OPCML: variants seen among roughly 807,000 people sequenced by gnomAD.
OPCML encodes the protein opioid-binding protein/cell adhesion molecule.
In OPCML, 13 loss-of-function variants were observed where a neutral mutation model predicts 37.8. The observed-to-expected ratio is 0.34, with a 90% CI of 0.22 to 0.55. The LOEUF is 0.55. OPCML is among the 20% of genes least tolerant of loss of function. The pLI is 0.91. For synonymous variants in OPCML, 176 were observed against 168.8 expected (o/e 1.04, Z -0.33); for missense variants, 341 against 435.6 (o/e 0.78, Z 1.93).
At chr11:132,643,975 G>A (rs1284620690) in intron 3 of OPCML, among the ~76,000 whole-genome samples, 1 of 152,132 alleles carries the variant, frequency 6.6e-6, no homozygotes, top group African/African-American at 2.4e-5. Flanking sequence ...AACACTCCTC[G>A]TGGTCGTCTG....
At chr11:132,565,512 C>G (rs1315113328) in intron 3 of OPCML, among the ~76,000 whole-genome samples, 1 of 152,182 alleles carries the variant, frequency 6.6e-6, no homozygotes, top group African/African-American at 2.4e-5. Flanking sequence ...CAGCGGCTCT[C>G]CTGCTCAGGC....
chr11:133,002,604 CAGTA>C (rs1474430257), intron 1 of OPCML, among the ~76,000 whole-genome samples: 65 of 152,280 alleles, frequency 4.3e-4, no homozygotes, highest in African/African-American at 1.5e-3. Flanking sequence ...TAAAAGTTCT[CAGTA>C]AGCTTTAAAA....
chr11:132,837,274 T>C (rs922932664), intron 2 of OPCML, among the ~76,000 whole-genome samples: 2 of 152,118 alleles, frequency 1.3e-5, no homozygotes, highest in South Asian at 2.1e-4. Context: ...GATCGCGCCA[T>C]TGCACTCCAG....
intron 4 of OPCML, among the ~76,000 whole-genome samples, chr11:132,514,662 AAACTGCC>A (rs1223735190): frequency 6.6e-6 from 1 of 152,144 alleles, no homozygotes; most frequent in Non-Finnish European, 1.5e-5. Context: ...TTTTTTTGCC[AAACTGCC>A]TTTGTTCCAA....
chr11:133,092,346 T>C (rs1257223685), intron 1 of OPCML, among the ~76,000 whole-genome samples: 1 of 152,192 alleles, frequency 6.6e-6, no homozygotes, highest in Non-Finnish European at 1.5e-5. Flanking sequence ...GCTGGGCATC[T>C]AATACAAGGT....
At chr11:133,104,563 T>C (rs987761549) in intron 1 of OPCML, among the ~76,000 whole-genome samples, 1 of 152,240 alleles carries the variant, frequency 6.6e-6, no homozygotes, top group East Asian at 1.9e-4. Context: ...TGGATGCATA[T>C]GGCAATTAAA....
At chr11:132,489,853 C>T (rs1388733040) in intron 4 of OPCML, among the ~76,000 whole-genome samples, 2 of 152,120 alleles carry the variant, frequency 1.3e-5, no homozygotes, top group African/African-American at 2.4e-5. Context: ...CCTACACCCC[C>T]TGACAGGCCC....
At chr11:132,480,582 T>C (rs1592240277) in intron 4 of OPCML, among the ~76,000 whole-genome samples, 3 of 151,798 alleles carry the variant, frequency 2.0e-5, no homozygotes, top group Admixed American at 2.0e-4. Flanking sequence ...TTCACCAAAG[T>C]TGAAATGGAG....
chr11:132,675,430 G>A (rs1942660680), intron 2 of OPCML, among the ~76,000 whole-genome samples: 1 of 151,750 alleles, frequency 6.6e-6, no homozygotes. Context: ...ATTTAAGCTT[G>A]CAATATGCAC....
At chr11:133,240,212 C>CAAAAAAAAAAAAA in intron 1 of OPCML, among the ~76,000 whole-genome samples, 1 of 66,046 alleles carries the variant, frequency 1.5e-5, no homozygotes, top group Non-Finnish European at 2.8e-5. Flanking sequence ...ACACTTGGGG[C>CAAAAAAAAAAAAA]AAAAAAAAAA....
intron 2 of OPCML, among the ~76,000 whole-genome samples, chr11:132,797,120 C>T (rs915803677): frequency 1.3e-5 from 2 of 152,036 alleles, no homozygotes; most frequent in Admixed American, 1.3e-4. Flanking sequence ...TGATTAAATC[C>T]AACTTACCTT....
chr11:132,454,721 T>A (rs1249500253), intron 4 of OPCML, among the ~76,000 whole-genome samples: 3 of 152,170 alleles, frequency 2.0e-5, no homozygotes, highest in Admixed American at 6.5e-5. Flanking sequence ...TCAGATCCAA[T>A]CTAGCCTACT....
intron 3 of OPCML, among the ~76,000 whole-genome samples, chr11:132,542,889 T>C (rs1276979620): frequency 5.3e-5 from 8 of 152,188 alleles, no homozygotes; most frequent in African/African-American, 1.9e-4. Flanking sequence ...ATTAGATCAC[T>C]GTGCCTCACC....
chr11:132,567,663 T>C (rs2096426972), intron 3 of OPCML, among the ~76,000 whole-genome samples: 1 of 152,220 alleles, frequency 6.6e-6, no homozygotes, highest in Non-Finnish European at 1.5e-5. Context: ...TTAAGGACAA[T>C]GAAAAATCAT....
intron 2 of OPCML, among the ~76,000 whole-genome samples, chr11:132,802,372 C>T (rs1420192427): frequency 2.0e-5 from 3 of 152,154 alleles, no homozygotes; most frequent in African/African-American, 4.8e-5. Flanking sequence ...CTTGGTTACT[C>T]GGCCCTTGCT....
At chr11:132,549,010 G>A (rs1258415213) in intron 3 of OPCML, among the ~76,000 whole-genome samples, 2 of 152,174 alleles carry the variant, frequency 1.3e-5, no homozygotes, top group Non-Finnish European at 2.9e-5. Context: ...TCTTGGACAT[G>A]GGCTGGGTAA....
intron 3 of OPCML, among the ~76,000 whole-genome samples, chr11:132,593,488 T>C (rs2096487899): frequency 6.6e-6 from 1 of 152,138 alleles, no homozygotes; most frequent in Admixed American, 6.6e-5. Context: ...AATAATTAAA[T>C]ATGTAGCCTC....
At chr11:132,628,695 T>C (rs1002885335) in intron 3 of OPCML, among the ~76,000 whole-genome samples, 1 of 152,140 alleles carries the variant, frequency 6.6e-6, no homozygotes, top group African/African-American at 2.4e-5. Context: ...AATCTCATCT[T>C]GAATTGTAGT....
chr11:133,393,664 A>C (rs1945223754), intron 1 of OPCML, among the ~76,000 whole-genome samples: 1 of 152,220 alleles, frequency 6.6e-6, no homozygotes, highest in Non-Finnish European at 1.5e-5. Flanking sequence ...GGCTGTCTCC[A>C]GTATCCCTCA....
Sources: gnomAD v4.1 joint callset for allele counts (sites outside exome capture counted in the v4.1 genomes callset) on GRCh38, gnomAD v4.1.1 for gene constraint, MANE v1.5 for transcripts, NCBI Gene and HGNC (gene_info 2026-07-23, HGNC 2026-07-21) for gene names.